Variants in CNTNAP4 observed in about 807,000 individuals in gnomAD.
CNTNAP4 encodes contactin-associated protein-like 4.
CNTNAP4 carries 98 observed loss-of-function variants against 148.4 expected under a neutral mutation model. The observed-to-expected ratio is 0.66, with a 90% CI of 0.56 to 0.78. The LOEUF is 0.78. CNTNAP4 is among the 30% of genes least tolerant of loss of function. The pLI is 0.00. For synonymous variants in CNTNAP4, 730 were observed against 565.1 expected (o/e 1.29, Z -4.14); for missense variants, 1,935 against 1,565.6 (o/e 1.24, Z -3.98).
chr16:76,442,943 C>T (rs543802957), intron 4 of CNTNAP4, among the ~76,000 whole-genome samples: 2 of 151,994 alleles, frequency 1.3e-5, no homozygotes, highest in African/African-American at 4.8e-5. Flanking sequence ...ACTATGCCAA[C>T]ATGAAATATA....
intron 4 of CNTNAP4, among the ~76,000 whole-genome samples, chr16:76,437,479 G>C (rs182617936): frequency 6.6e-5 from 10 of 152,248 alleles, no homozygotes; most frequent in African/African-American, 2.2e-4. Context: ...TTCAGCATCA[G>C]TTGAAGAGGC....
chr16:76,339,574 G>T (rs373605083), intron 2 of CNTNAP4, among the ~76,000 whole-genome samples: 2 of 152,180 alleles, frequency 1.3e-5, no homozygotes, highest in African/African-American at 4.8e-5. Context: ...ATGACACAAA[G>T]AGAATTTAAG....
intron 1 of CNTNAP4, among the ~76,000 whole-genome samples, chr16:76,289,697 C>T (rs1207781536): frequency 6.6e-6 from 1 of 151,906 alleles, no homozygotes; most frequent in Non-Finnish European, 1.5e-5. Context: ...CCTTAGTCTC[C>T]CATGTAGTGA....
At chr16:76,433,139 A>G (rs1246751324) in intron 4 of CNTNAP4, among the ~76,000 whole-genome samples, 1 of 152,106 alleles carries the variant, frequency 6.6e-6, no homozygotes, top group African/African-American at 2.4e-5. Flanking sequence ...GCAACCAGAC[A>G]TTCTTTTTTT....
At chr16:76,487,937 A>T (rs1388545564) in intron 12 of CNTNAP4, among the ~76,000 whole-genome samples, 2 of 152,176 alleles carry the variant, frequency 1.3e-5, no homozygotes, top group Non-Finnish European at 2.9e-5. Flanking sequence ...GTGATCCAGA[A>T]GGGAAAGAGA....
chr16:76,347,100 T>A (rs1471094545), intron 2 of CNTNAP4, among the ~76,000 whole-genome samples: 2 of 151,752 alleles, frequency 1.3e-5, no homozygotes, highest in Non-Finnish European at 2.9e-5. Flanking sequence ...AAATGTAGTT[T>A]ACAAATGATT....
chr16:76,462,848 G>C (rs1240651495), intron 9 of CNTNAP4, among the ~76,000 whole-genome samples: 1 of 152,184 alleles, frequency 6.6e-6, no homozygotes, highest in Admixed American at 6.5e-5. Context: ...GCTTATATTA[G>C]CGTTGTTTTG....
intron 8 of CNTNAP4, among the ~76,000 whole-genome samples, chr16:76,456,874 C>A (rs2143325192): frequency 6.6e-6 from 1 of 152,226 alleles, no homozygotes; most frequent in South Asian, 2.1e-4. Context: ...CTGGATGTGA[C>A]CTCGGTAGTT....
At chr16:76,324,836 T>C (rs1258066524) in intron 2 of CNTNAP4, among the ~76,000 whole-genome samples, 1 of 152,154 alleles carries the variant, frequency 6.6e-6, no homozygotes, top group Non-Finnish European at 1.5e-5. Context: ...ATTAATCATA[T>C]CATGAGTGGC....
chr16:76,428,502 CAAGTT>C (rs1373913734), intron 4 of CNTNAP4, among the ~76,000 whole-genome samples: 2 of 151,572 alleles, frequency 1.3e-5, no homozygotes, highest in Non-Finnish European at 2.9e-5. Context: ...TGATGTAAGC[CAAGTT>C]AAGTTCTGAT....
intron 3 of CNTNAP4, among the ~76,000 whole-genome samples, chr16:76,362,043 G>C (rs1022441158): frequency 6.6e-6 from 1 of 152,034 alleles, no homozygotes; most frequent in African/African-American, 2.4e-5. Flanking sequence ...ATGCTATTGA[G>C]TTGGGGAAGT....
At chr16:76,532,381 T>C (rs1433228831) in intron 17 of CNTNAP4, among the ~76,000 whole-genome samples, 1 of 152,196 alleles carries the variant, frequency 6.6e-6, no homozygotes, top group African/African-American at 2.4e-5. Context: ...TGAAATTCTC[T>C]ATGCCCCTAG....
chr16:76,407,093 C>G (rs1263704327), intron 3 of CNTNAP4, among the ~76,000 whole-genome samples: 1 of 152,138 alleles, frequency 6.6e-6, no homozygotes, highest in Non-Finnish European at 1.5e-5. Flanking sequence ...CAGTTGGTGA[C>G]TTTAAGCTGA....
intron 14 of CNTNAP4, among the ~76,000 whole-genome samples, chr16:76,495,647 A>T (rs144521327): frequency 1.3e-5 from 2 of 152,212 alleles, no homozygotes; most frequent in African/African-American, 4.8e-5. Context: ...GAAAAGTTTA[A>T]AAAAGACATT....
chr16:76,425,200 C>T lies in CNTNAP4; in HGVS notation c.391-2252C>T, dbSNP rs1399502464. ...AATTTGTTCTGCAAAACAACAGCAG[C>T]AACAATAGCAAAAACAGAGGGGAGC... On this transcript the variant is annotated intron_variant, in intron 3 of 23. Transcript: ENST00000611870. Among the ~76,000 whole-genome samples the T allele has an allele frequency of 2.0e-5, 3 of 152,088 alleles. No individual in the cohort carries two copies. In the East Asian group the frequency reaches 5.8e-4, roughly 29 times the overall value.
chr16:76,365,255 C>T (rs2013969580), intron 3 of CNTNAP4, among the ~76,000 whole-genome samples: 1 of 152,078 alleles, frequency 6.6e-6, no homozygotes, highest in South Asian at 2.1e-4. Context: ...GATATCAGTA[C>T]CATGCTGTTT....
At chr16:76,354,740 G>C (rs17699107) in intron 2 of CNTNAP4, among the ~76,000 whole-genome samples, 19,856 of 152,172 alleles carry the variant, frequency 0.13, 2,014 homozygotes, top group East Asian at 0.48. Flanking sequence ...CTGCAAACAC[G>C]CCATCATTAA....
intron 2 of CNTNAP4, among the ~76,000 whole-genome samples, chr16:76,336,441 TC>T (rs2144304505): frequency 6.6e-6 from 1 of 152,170 alleles, no homozygotes; most frequent in South Asian, 2.1e-4. Context: ...GCAAGACTTT[TC>T]CCCCAAAAGA....
At chr16:76,302,143 C>T (rs1378510070) in intron 1 of CNTNAP4, among the ~76,000 whole-genome samples, 1 of 152,088 alleles carries the variant, frequency 6.6e-6, no homozygotes, top group Non-Finnish European at 1.5e-5. Context: ...ATTTCAGCTT[C>T]AGTGGCGAGG....
Sources: allele counts gnomAD v4.1 joint callset (sites outside exome capture counted in the v4.1 genomes callset), GRCh38; gene constraint gnomAD v4.1.1; transcripts MANE v1.5; gene names NCBI Gene and HGNC (gene_info 2026-07-23, HGNC 2026-07-21).